The following MCM2 variants were observed in gnomAD, a reference collection of about 807,000 sequenced individuals.
The protein encoded by MCM2 is minichromosome maintenance complex component 2.
A neutral mutation model predicts 86.4 loss-of-function variants in MCM2; 49 were observed. The observed-to-expected ratio is 0.57, with a 90% CI of 0.45 to 0.72. MCM2 has a LOEUF of 0.72. MCM2 is among the 30% of genes least tolerant of loss of function. The probability of loss-of-function intolerance (pLI) is 0.00; values close to 1 mark genes in which losing one functional copy is unlikely to be tolerated. For synonymous variants in MCM2, 475 were observed against 484.6 expected (o/e 0.98, Z 0.26); for missense variants, 1,038 against 1,259.9 (o/e 0.82, Z 2.67).
rs2074452889 is a variant in MCM2, at chr3:127,618,844, G to A, written c.2014-183G>A. Among the ~76,000 whole-genome samples, 1 of 152,148 alleles carries A rather than the reference G, an allele frequency of 6.6e-6. No individual in the cohort carries two copies. Among genetic ancestry groups the A allele is most frequent in the Non-Finnish European group, 1.5e-5 (1 of 68,026 alleles). On this transcript the variant is annotated intron_variant, in intron 12 of 15. Coordinates refer to ENST00000265056, the MANE Select transcript of MCM2 (RefSeq NM_004526.4). This position sits in a 1 kb window ranked among gnomAD's most constrained non-coding sequence, Gnocchi z 4.0. Reference sequence around the variant, plus strand: ...CCCCTTGTGGAGATGAGCCCTGTGGGGACTCTGTCCCATTGTCTGGTTTGC... The same window carrying A: ...CCCCTTGTGGAGATGAGCCCTGTGGAGACTCTGTCCCATTGTCTGGTTTGC...
Position 127,604,901 on chromosome 3 carries a change from G to T in MCM2, c.418G>T (p.Asp140Tyr), listed in dbSNP as rs750332461. 1 of 1,610,202 alleles carries T rather than the reference G, an allele frequency of 6.2e-7. No individual in the cohort carries two copies. Among genetic ancestry groups the T allele is most frequent in the Non-Finnish European group, 8.5e-7 (1 of 1,178,246 alleles). ...RMRRGLLYDS[D>Y]EEDEERPARK... ...GGTGTCTCTTGCCTCCCCAGACAGC[G>T]ATGAGGAGGACGAGGAGCGCCCTGC... Residue 140 changes from aspartate to tyrosine, a missense_variant, in exon 4 of 16, where the codon GAT becomes TAT. This residue lies in a region of MCM2 where 300 missense variants were observed against 307.4 expected (regional missense o/e 0.98). Coordinates refer to ENST00000265056, the MANE Select transcript of MCM2 (RefSeq NM_004526.4).
rs2074484954 is a variant in MCM2 at position 127,622,348 on chromosome 3, G to C, written c.*575G>C. 1 of 152,262 alleles carries C rather than the reference G, an allele frequency of 6.6e-6. No individual in the cohort carries two copies. Among genetic ancestry groups the C allele is most frequent in the African/African-American group, 2.4e-5 (1 of 41,448 alleles). 9.4% of individuals were successfully genotyped at this position (152,262 alleles called of 1,614,324 possible). On this transcript the variant is annotated 3_prime_UTR_variant, in exon 16 of 16. Transcript: ENST00000265056. ...CTCGCCACAGTTATCAGCTGCCATT[G>C]CTCCCTGTCTGTTTCCCCACTCTCT...
intron 1 of MCM2, 87 bp downstream of exon 1, chr3:127,598,559 C>A (rs1188492359): frequency 2.0e-5 from 31 of 1,534,152 alleles, no homozygotes; most frequent in Non-Finnish European, 2.4e-5. Flanking sequence ...CGGCCCAGGG[C>A]GGCGCTCTGG....
At position 127,621,297 on chromosome 3, in the gene MCM2, G is replaced by A. The variant is rs368296355; in HGVS notation, c.2604+69G>A. 1.9e-6 allele frequency: 3 copies of A among 1,572,630 alleles called. No homozygotes were observed. The Admixed American group carries it at 5.2e-5, about 27-fold the overall frequency. ...GGGAGCTGCCAGTCTCCTGATGGGGGCTCCATCATAATGGGTCATGAAGTG... is the reference window on the plus strand; with the variant it reads ...GGGAGCTGCCAGTCTCCTGATGGGGACTCCATCATAATGGGTCATGAAGTG... On this transcript the variant is annotated intron_variant, in intron 15 of 15. Transcript: ENST00000265056.
Position 127,608,469 on chromosome 3 carries a change from ATTCTCC to A in MCM2, c.1191_1196del (p.Leu398_Leu399del). On this transcript the variant is annotated inframe_deletion, in exon 7 of 16. Coordinates refer to ENST00000265056, the MANE Select transcript of MCM2 (RefSeq NM_004526.4). ...CCGGCTGCCCCGCTCCAAGGACGCC[ATTCTCC>A]TCGCAGATCTGGTGGACAGCTGCAA... 2 of 1,614,208 alleles carry A rather than the reference ATTCTCC, an allele frequency of 1.2e-6. No homozygotes were observed. The highest frequency in any genetic ancestry group is 1.7e-6 in the Non-Finnish European group (2 of 1,180,048).
At chr3:127,612,157 A>C (rs2074403480) in intron 8 of MCM2, among the ~76,000 whole-genome samples, 1 of 152,224 alleles carries the variant, frequency 6.6e-6, no homozygotes, top group Non-Finnish European at 1.5e-5. Flanking sequence ...GCTGAGGCAT[A>C]GCTGCCCTTG....
In MCM2 at chr3:127,604,221, C is replaced by T. The variant is rs569444409; in HGVS notation, c.237-387C>T. 404 of 188,438 alleles carry T rather than the reference C, an allele frequency of 2.1e-3. 3 individuals are homozygous for T. The highest frequency in any genetic ancestry group is 6.4e-3 in the South Asian group (45 of 7,078). The allele number at this position is 188,438 out of a possible 1,614,324, so 11.7% of individuals were successfully genotyped here. On this transcript the variant is annotated intron_variant, in intron 2 of 15. Transcript: ENST00000265056. ...AAACTGTCTCGGTTAAACACTAACT[C>T]CCCATTCTTCCCAGCACCTAGCAAC...
chr3:127,605,586 A>G (rs1166578087), intron 4 of MCM2, among the ~76,000 whole-genome samples: 11 of 151,738 alleles, frequency 7.2e-5, no homozygotes, highest in Non-Finnish European at 1.5e-5. Context: ...AATTACAGGC[A>G]TGCACCACCA....
chr3:127,600,097 G>A (rs1001497748), intron 2 of MCM2, among the ~76,000 whole-genome samples: 2 of 152,146 alleles, frequency 1.3e-5, no homozygotes, highest in African/African-American at 4.8e-5. Flanking sequence ...CTGGTCAACA[G>A]GGTGAAACCC....
chr3:127,600,676 A>G (rs2107685134), intron 2 of MCM2, among the ~76,000 whole-genome samples: 1 of 152,250 alleles, frequency 6.6e-6, no homozygotes, highest in South Asian at 2.1e-4. Context: ...GGGTCAGGGC[A>G]TGGGTCCTAG....
chr3:127,604,539 CT>C, intron 2 of MCM2, 68 bp from the exon 3 acceptor site: 1 of 1,533,732 alleles, frequency 6.5e-7, no homozygotes, highest in Middle Eastern at 2.2e-4. Context: ...GGCCCAGTTC[CT>C]GGATGGGGTT....
chr3:127,598,770 C>T (rs772282122), intron 1 of MCM2: 26 of 490,732 alleles, frequency 5.3e-5, no homozygotes, highest in Non-Finnish European at 7.5e-5. Context: ...AGACAGGCCC[C>T]CATTTCACTA....
chr3:127,599,175 T>C (rs778363704), intron 1 of MCM2, 143 bp from the exon 2 acceptor site: 80 of 719,200 alleles, frequency 1.1e-4, no homozygotes, highest in Non-Finnish European at 1.7e-4. Flanking sequence ...GGCAAAGATC[T>C]GGAGGCTGGA....
At chr3:127,598,608 C>A in intron 1 of MCM2, 136 bp downstream of exon 1, 1 of 1,218,660 alleles carries the variant, frequency 8.2e-7, no homozygotes, top group Non-Finnish European at 1.1e-6. Flanking sequence ...CAGCTACTTT[C>A]TCGCCTGCAC....
At chr3:127,611,408 G>A (rs2074393760) in intron 8 of MCM2, among the ~76,000 whole-genome samples, 1 of 152,198 alleles carries the variant, frequency 6.6e-6, no homozygotes, top group African/African-American at 2.4e-5. Context: ...TCTGTTGATT[G>A]AAGAGGTGAG....
In MCM2 at chr3:127,620,721, G is replaced by A. The variant is rs772987764; in HGVS notation, c.2289G>A (p.Thr763=). Residue 763 remains threonine (T), a synonymous_variant, in exon 14 of 16, where the codon ACG becomes ACA. Coordinates refer to ENST00000265056, the MANE Select transcript of MCM2 (RefSeq NM_004526.4). ...ESMATGSIPI[T]VRHIESMIRM... ...AGGCGACAGGCAGCATCCCCATTAC[G>A]GTGCGGCACATCGAGTCCATGATCC... is the stretch of plus-strand genomic sequence containing the variant. 1.6e-5 allele frequency: 26 copies of A among 1,605,166 alleles called. No individual in the cohort carries two copies. Among genetic ancestry groups the A allele is most frequent in the East Asian group, 6.7e-5 (3 of 44,654 alleles).
rs1002703577 is a variant in MCM2, at chr3:127,606,761, C to G, written c.1045C>G (p.Pro349Ala). 14 of 1,614,210 alleles carry G rather than the reference C, an allele frequency of 8.7e-6. No homozygotes were observed. The highest frequency in any genetic ancestry group is 1.2e-5 in the Non-Finnish European group (14 of 1,180,042). Residue 349 changes from proline (P) to alanine (A), a missense_variant, in exon 6 of 16, where the codon CCA becomes GCA. Pro to Ala is a conservative substitution (Grantham distance 27, BLOSUM62 -1). Coordinates refer to ENST00000265056, the MANE Select transcript of MCM2 (RefSeq NM_004526.4). This position sits in a 1 kb window ranked among gnomAD's most constrained non-coding sequence, Gnocchi z 4.2. ...FCQSQNQEVK[P>A]GSCPECQSAG... Reference sequence around the variant, plus strand: ...CCAGTCCCAGAACCAGGAGGTGAAACCAGGCTCCTGTCCTGAGTGCCAGTC... The same window carrying G: ...CCAGTCCCAGAACCAGGAGGTGAAAGCAGGCTCCTGTCCTGAGTGCCAGTC...
In MCM2 at chr3:127,621,082, C is replaced by G; in HGVS notation, c.2458C>G (p.Arg820Gly). Reference protein sequence around the residue: ...VMRSMRKTFARYLSFRRDNNE... With the variant: ...VMRSMRKTFAGYLSFRRDNNE... Reference sequence around the variant, plus strand: ...GGCTTTTTTCCTGCAGACTTTTGCCCGCTACCTTTCATTCCGGCGTGACAA... The same window carrying G: ...GGCTTTTTTCCTGCAGACTTTTGCCGGCTACCTTTCATTCCGGCGTGACAA... The change falls in exon 15 of 16, where the codon CGC becomes GGC. Residue 820 changes from arginine (R) to glycine (G), a missense_variant. Physicochemically the swap from Arg to Gly is moderately radical, Grantham distance 125 (BLOSUM62 -2). Around this residue, in one of 4 missense-constraint regions of MCM2, gnomAD observed 336 missense variants for 425.7 expected, o/e 0.79. Transcript: ENST00000265056. The G allele has an allele frequency of 6.2e-7, 1 of 1,614,180 alleles. No individual in the cohort carries two copies. Among genetic ancestry groups the G allele is most frequent in the Non-Finnish European group, 8.5e-7 (1 of 1,180,002 alleles).
chr3:127,604,527 C>T, intron 2 of MCM2, 81 bp from the exon 3 acceptor site: 1 of 1,457,486 alleles, frequency 6.9e-7, no homozygotes, highest in Middle Eastern at 2.4e-4. Flanking sequence ...CCTTAGGGAA[C>T]AGGCCCAGTT....
Sources: allele counts gnomAD v4.1 joint callset (sites outside exome capture counted in the v4.1 genomes callset), GRCh38; gene constraint gnomAD v4.1.1; regional missense constraint gnomAD v4.1.1; non-coding constraint Gnocchi (gnomAD v3.1); transcripts MANE v1.5; gene names NCBI Gene and HGNC (gene_info 2026-07-23, HGNC 2026-07-21).